The following STRIP2 variants were observed in gnomAD, a reference collection of about 807,000 sequenced individuals.
STRIP2 encodes the protein striatin-interacting protein 2.
A neutral mutation model predicts 107.1 loss-of-function variants in STRIP2; 84 were observed. The observed-to-expected ratio is 0.78, with a 90% CI of 0.66 to 0.94. The LOEUF (loss-of-function observed/expected upper bound fraction) is 0.94, where lower values mean the gene tolerates loss of function less well. STRIP2 is among the 40% of genes least tolerant of loss of function. The pLI is 0.00. For missense variants in STRIP2, 888 were observed against 1,034.2 expected, an observed-to-expected ratio of 0.86 and a Z score of 1.94; for synonymous variants, 394 against 400.4, an observed-to-expected ratio of 0.98 and a Z score of 0.19.
chr7:129,467,634 A>C (rs973097182), intron 17 of STRIP2, among the ~76,000 whole-genome samples, 184 bp downstream of exon 17: 6 of 152,136 alleles, frequency 3.9e-5, no homozygotes, highest in African/African-American at 1.4e-4. Context: ...TCTTTAGGGA[A>C]GTATTTATAT....
At chr7:129,436,384 G>T (rs1301848869) in intron 1 of STRIP2, among the ~76,000 whole-genome samples, 2 of 152,218 alleles carry the variant, frequency 1.3e-5, no homozygotes, top group African/African-American at 2.4e-5. Flanking sequence ...TCAGGCAAAG[G>T]CTCTGAGAGT....
chr7:129,470,897 T>C (rs1342411980), intron 18 of STRIP2, among the ~76,000 whole-genome samples, 182 bp downstream of exon 18: 1 of 152,094 alleles, frequency 6.6e-6, no homozygotes, highest in South Asian at 2.1e-4. Context: ...TGAGAAAGAT[T>C]TGGAAAAGTT....
At chr7:129,438,424 C>CATAG (rs1797808007) in intron 1 of STRIP2, among the ~76,000 whole-genome samples, 1 of 152,128 alleles carries the variant, frequency 6.6e-6, no homozygotes, top group African/African-American at 2.4e-5. Flanking sequence ...ATATTAAAAT[C>CATAG]ATAGAGTGAC....
At position 129,458,678 on chromosome 7, in the gene STRIP2, T is replaced by G; in HGVS notation, c.1275-34T>G. 2 of 1,613,198 alleles carry G rather than the reference T, an allele frequency of 1.2e-6. No homozygotes were observed. The highest frequency in any genetic ancestry group is 1.1e-5 in the South Asian group (1 of 91,042). On this transcript the variant is annotated intron_variant, in intron 10 of 20. Transcript: ENST00000249344. The surrounding 1 kb of genome is among the most constrained non-coding windows in gnomAD (Gnocchi z 4.6). Reference sequence around the variant, plus strand: ...TCTCTCAAAGTTTGCTTTTCTTCCCTTCTCTGGGATTGGTCTTTCCACCAT... The same window carrying G: ...TCTCTCAAAGTTTGCTTTTCTTCCCGTCTCTGGGATTGGTCTTTCCACCAT...
In STRIP2 at chr7:129,485,710, A is replaced by T. The variant is rs748044230; in HGVS notation, c.2386A>T (p.Ser796Cys). The change falls in exon 21 of 21, where the codon AGC becomes TGC. Residue 796 changes from serine to cysteine, a missense_variant. Transcript: ENST00000249344. ...EFSPVDNCLQ[S>C]VLGQRLDLPE... ...TTCACCTGTGGATAACTGCTTGCAG[A>T]GCGTACTGGGGCAGAGGTTGGATCT... 1 of 1,614,130 alleles carries T rather than the reference A, an allele frequency of 6.2e-7. No homozygotes were observed. The highest frequency in any genetic ancestry group is 1.1e-5 in the South Asian group (1 of 91,086).
At chr7:129,465,201 T>TA (rs1350716903) in intron 16 of STRIP2, among the ~76,000 whole-genome samples, 2 of 152,026 alleles carry the variant, frequency 1.3e-5, no homozygotes, top group Admixed American at 1.3e-4. Context: ...AAGTAGCCAA[T>TA]TATAGAGAGA....
chr7:129,439,574 TTAAAAA>T (rs1234717478), intron 1 of STRIP2, among the ~76,000 whole-genome samples: 16 of 152,174 alleles, frequency 1.1e-4, no homozygotes, highest in Admixed American at 1.0e-3. Context: ...AAGAACCTCT[TTAAAAA>T]TAAGGAACTA....
chr7:129,470,145 CCT>C (rs780793082), intron 17 of STRIP2, among the ~76,000 whole-genome samples: 1 of 152,198 alleles, frequency 6.6e-6, no homozygotes, highest in Non-Finnish European at 1.5e-5. Context: ...GGAAACTGCC[CCT>C]GTCTCAAGCT....
At chr7:129,439,535 A>T (rs1797841452) in intron 1 of STRIP2, among the ~76,000 whole-genome samples, 1 of 152,216 alleles carries the variant, frequency 6.6e-6, no homozygotes, top group African/African-American at 2.4e-5. Context: ...ATCATTTGAC[A>T]ATCCTAAAGT....
At chr7:129,470,795 C>G (rs2151011777) in intron 18 of STRIP2, 80 bp downstream of exon 18, 1 of 1,120,500 alleles carries the variant, frequency 8.9e-7, no homozygotes, top group African/African-American at 1.5e-5. Context: ...TCTTCTCCAA[C>G]CCCTTAATGC....
At chr7:129,448,292 A>G (rs1562897513) in intron 3 of STRIP2, among the ~76,000 whole-genome samples, 2 of 152,220 alleles carry the variant, frequency 1.3e-5, no homozygotes, top group Admixed American at 6.5e-5. Context: ...GCTCAGAGCC[A>G]GTGTCCAGTA....
chr7:129,453,440 C>G (rs1798254462), intron 5 of STRIP2, 93 bp downstream of exon 5: 2 of 1,504,680 alleles, frequency 1.3e-6, no homozygotes, highest in Non-Finnish European at 1.8e-6. Flanking sequence ...ATAGAGACCC[C>G]CTGTGAGGAA....
chr7:129,471,175 CTA>C (rs1798781049), intron 18 of STRIP2, among the ~76,000 whole-genome samples: 1 of 152,062 alleles, frequency 6.6e-6, no homozygotes, highest in African/African-American at 2.4e-5. Context: ...AGGCAAAAGT[CTA>C]TATAGCCACA....
intron 2 of STRIP2, among the ~76,000 whole-genome samples, chr7:129,442,364 A>G (rs1339460338): frequency 6.6e-6 from 1 of 152,238 alleles, no homozygotes; most frequent in Non-Finnish European, 1.5e-5. Context: ...GCATATGTGC[A>G]TATAGCAAAA....
At chr7:129,439,970 C>A in intron 1 of STRIP2, 52 bp from the exon 2 acceptor site, 2 of 1,445,334 alleles carry the variant, frequency 1.4e-6, no homozygotes, top group Non-Finnish European at 1.9e-6. Flanking sequence ...CTTCCCTTGG[C>A]AACCCCTTTT....
chr7:129,481,750 A>T lies in STRIP2; in HGVS notation c.2049+861A>T, dbSNP rs988591509. On this transcript the variant is annotated intron_variant, in intron 19 of 20. Coordinates refer to ENST00000249344, the MANE Select transcript of STRIP2 (RefSeq NM_020704.3). Reference sequence around the variant, plus strand: ...AACATGATAAGACCCCATCTCTATTAAAAAAAGTAAAAGAATGAGGCAGTT... The same window carrying T: ...AACATGATAAGACCCCATCTCTATTTAAAAAAGTAAAAGAATGAGGCAGTT... 3.3e-5 allele frequency among the ~76,000 whole-genome samples: 5 copies of T among 152,234 alleles called. No homozygotes were observed. In the South Asian group the frequency reaches 6.2e-4, roughly 19 times the overall value.
intron 18 of STRIP2, among the ~76,000 whole-genome samples, chr7:129,473,241 A>G (rs1798836369): frequency 6.6e-6 from 1 of 152,246 alleles, no homozygotes; most frequent in African/African-American, 2.4e-5. Flanking sequence ...CTGCAATTAT[A>G]TATATATTCA....
chr7:129,441,782 TTTTG>T (rs1797905148), intron 2 of STRIP2, among the ~76,000 whole-genome samples: 1 of 152,044 alleles, frequency 6.6e-6, no homozygotes, highest in Admixed American at 6.5e-5. Flanking sequence ...GTCCAGCTAA[TTTTG>T]TTTATCTTTT....
chr7:129,477,364 A>G (rs998950655), intron 18 of STRIP2, among the ~76,000 whole-genome samples: 1 of 152,254 alleles, frequency 6.6e-6, no homozygotes, highest in Non-Finnish European at 1.5e-5. Flanking sequence ...ACCATAAAGT[A>G]TATATCCACT....
Sources: gnomAD v4.1 joint callset for allele counts (sites outside exome capture counted in the v4.1 genomes callset) on GRCh38, gnomAD v4.1.1 for gene constraint, Gnocchi (gnomAD v3.1) non-coding constraint, MANE v1.5 for transcripts, NCBI Gene and HGNC (gene_info 2026-07-23, HGNC 2026-07-21) for gene names.